PPM1L: variants seen among roughly 807,000 people sequenced by gnomAD.
PPM1L encodes protein phosphatase 1L.
Under a neutral mutation model 31.4 loss-of-function variants are expected in PPM1L, and 13 were observed. That is an observed-to-expected ratio of 0.41 (90% CI 0.27 to 0.66). PPM1L has a LOEUF of 0.66. Among genes scored for constraint, PPM1L ranks in the 30% least tolerant of loss-of-function variants. The probability of loss-of-function intolerance (pLI) is 0.29; values close to 1 mark genes in which losing one functional copy is unlikely to be tolerated. For synonymous variants in PPM1L, 184 were observed against 175.4 expected, an observed-to-expected ratio of 1.05 and a Z score of -0.39; for missense variants, 326 against 453.7, an observed-to-expected ratio of 0.72 and a Z score of 2.56.
chr3:160,967,272 A>G (rs542091581), intron 2 of PPM1L, among the ~76,000 whole-genome samples: 6 of 152,060 alleles, frequency 3.9e-5, no homozygotes, highest in South Asian at 2.1e-4. Flanking sequence ...CTTTTTCTTT[A>G]TAATTACCCA....
intron 1 of PPM1L, among the ~76,000 whole-genome samples, chr3:160,843,623 C>A (rs111948041): frequency 4.6e-5 from 7 of 151,528 alleles, no homozygotes; most frequent in South Asian, 2.1e-4. Flanking sequence ...CCTCTCCCCC[C>A]ACACCACAAC....
chr3:160,946,249 C>A (rs1715406343), intron 1 of PPM1L, among the ~76,000 whole-genome samples: 1 of 152,086 alleles, frequency 6.6e-6, no homozygotes, highest in African/African-American at 2.4e-5. Context: ...ATAGACTTTA[C>A]CAAAGAGCAA....
chr3:160,945,121 C>T (rs77415811), intron 1 of PPM1L, among the ~76,000 whole-genome samples: 1 of 15,886 alleles, frequency 6.3e-5, no homozygotes, highest in African/African-American at 2.0e-4. Context: ...TGTTATCTAT[C>T]TATCTATCTA....
At chr3:160,888,874 G>A (rs1294947373) in intron 1 of PPM1L, among the ~76,000 whole-genome samples, 5 of 151,858 alleles carry the variant, frequency 3.3e-5, no homozygotes, top group Non-Finnish European at 7.4e-5. Context: ...AATGACTCCT[G>A]GATAAATAAT....
chr3:161,052,009 C>T (rs1423707217), intron 2 of PPM1L, among the ~76,000 whole-genome samples: 1 of 152,096 alleles, frequency 6.6e-6, no homozygotes, highest in Non-Finnish European at 1.5e-5. Context: ...TCTGCGGGGG[C>T]GACCCAGAGT....
chr3:161,019,138 C>T (rs1305869894), intron 2 of PPM1L, among the ~76,000 whole-genome samples: 1 of 152,032 alleles, frequency 6.6e-6, no homozygotes, highest in Non-Finnish European at 1.5e-5. Flanking sequence ...AGATGATGCT[C>T]AAAATTGCAA....
At chr3:160,869,202 A>G (rs967681244) in intron 1 of PPM1L, among the ~76,000 whole-genome samples, 1 of 152,250 alleles carries the variant, frequency 6.6e-6, no homozygotes, top group African/African-American at 2.4e-5. Context: ...CAATGCCTGG[A>G]ACAGAGAAGA....
intron 2 of PPM1L, chr3:161,022,271 A>T: frequency 1.8e-6 from 1 of 571,290 alleles, no homozygotes; most frequent in Non-Finnish European, 3.1e-6. Context: ...TTAATATACC[A>T]CTATTCCCTC....
chr3:160,897,263 G>C (rs889591342), intron 1 of PPM1L, among the ~76,000 whole-genome samples: 1 of 151,928 alleles, frequency 6.6e-6, no homozygotes, highest in African/African-American at 2.4e-5. Context: ...GGATGGTCTC[G>C]ATCTCTTGAC....
In PPM1L at chr3:160,912,533, G is replaced by T. The variant is rs76491267; in HGVS notation, c.400-49203G>T. 3.0e-4 allele frequency among the ~76,000 whole-genome samples: 46 copies of T among 152,264 alleles called. 1 individual carries two copies. The East Asian group carries it at 8.3e-3, about 28-fold the overall frequency. ...GCAAACCCTTAAAAGCAGGGATAAA[G>T]ATATTAAGAGGTCTTCCTGTCTTTT... On this transcript the variant is annotated intron_variant, in intron 1 of 3. Coordinates refer to ENST00000498165, the MANE Select transcript of PPM1L (RefSeq NM_139245.4).
chr3:160,840,265 C>G (rs923113559), intron 1 of PPM1L, among the ~76,000 whole-genome samples: 5 of 152,048 alleles, frequency 3.3e-5, no homozygotes, highest in Non-Finnish European at 5.9e-5. Context: ...TGGAATTTTC[C>G]TGGTGTCTAG....
chr3:160,933,236 TTTG>T (rs1714844215), intron 1 of PPM1L, among the ~76,000 whole-genome samples: 2 of 152,102 alleles, frequency 1.3e-5, no homozygotes, highest in East Asian at 1.9e-4. Flanking sequence ...CAGAAAGCAA[TTTG>T]TTGTTTTTAT....
At chr3:161,047,088 AG>A (rs2108094754) in intron 2 of PPM1L, among the ~76,000 whole-genome samples, 1 of 152,316 alleles carries the variant, frequency 6.6e-6, no homozygotes, top group African/African-American at 2.4e-5. Context: ...AGTTCTGGCC[AG>A]GGCAATCAGG....
At chr3:160,947,270 C>T (rs1330333352) in intron 1 of PPM1L, among the ~76,000 whole-genome samples, 6 of 152,126 alleles carry the variant, frequency 3.9e-5, no homozygotes. Context: ...CTTAATGTTC[C>T]TCAGCAGTCC....
At chr3:161,033,580 A>C (rs891343809) in intron 2 of PPM1L, among the ~76,000 whole-genome samples, 1 of 152,236 alleles carries the variant, frequency 6.6e-6, no homozygotes, top group African/African-American at 2.4e-5. Flanking sequence ...TGACAAAAAC[A>C]AGCAATGGGG....
At chr3:160,901,489 C>G (rs1233223557) in intron 1 of PPM1L, among the ~76,000 whole-genome samples, 1 of 152,112 alleles carries the variant, frequency 6.6e-6, no homozygotes, top group Admixed American at 6.5e-5. Context: ...AATTCTCCTC[C>G]TCACCCAGTC....
intron 1 of PPM1L, among the ~76,000 whole-genome samples, chr3:160,922,465 A>C (rs566387898): frequency 6.6e-6 from 1 of 152,286 alleles, no homozygotes; most frequent in Admixed American, 6.5e-5. Flanking sequence ...TTTACACATT[A>C]CTAAGTCCTC....
At chr3:160,822,499 A>G (rs1370814948) in intron 1 of PPM1L, among the ~76,000 whole-genome samples, 1 of 152,014 alleles carries the variant, frequency 6.6e-6, no homozygotes, top group Non-Finnish European at 1.5e-5. Context: ...AAATTTTGAT[A>G]TGTGTATTTG....
intron 1 of PPM1L, among the ~76,000 whole-genome samples, chr3:160,858,178 A>G (rs1711779291): frequency 6.6e-6 from 1 of 152,210 alleles, no homozygotes; most frequent in African/African-American, 2.4e-5. Flanking sequence ...TGTATTTATG[A>G]AAGTAAAGCA....
Sources: gnomAD v4.1 joint callset for allele counts (sites outside exome capture counted in the v4.1 genomes callset) on GRCh38, gnomAD v4.1.1 for gene constraint, MANE v1.5 for transcripts, NCBI Gene and HGNC (gene_info 2026-07-23, HGNC 2026-07-21) for gene names.